The following XPO1 variants were observed in gnomAD, a reference collection of about 807,000 sequenced individuals.
XPO1 encodes the protein exportin 1.
XPO1 carries 5 observed loss-of-function variants against 133.3 expected under a neutral mutation model. The ratio of observed to expected loss-of-function variants is 0.04; its 90% CI spans 0.02 to 0.08. The LOEUF is 0.08. Ranked by LOEUF, XPO1 falls within the 10% of genes least tolerant of loss-of-function variation. XPO1 has a pLI of 1.00. For synonymous variants in XPO1, 419 were observed against 408.2 expected, an observed-to-expected ratio of 1.03 and a Z score of -0.32; for missense variants, 506 against 1,267.5, an observed-to-expected ratio of 0.40 and a Z score of 9.12.
At chr2:61,516,937 C>A (rs930684391) in intron 4 of XPO1, among the ~76,000 whole-genome samples, 1 of 151,868 alleles carries the variant, frequency 6.6e-6, no homozygotes, top group East Asian at 1.9e-4. Context: ...GAGTTTCACT[C>A]TTGTTGCCCA....
chr2:61,490,742 A>G lies in XPO1; in HGVS notation c.1922T>C (p.Ile641Thr), dbSNP rs1696939101. The G allele has an allele frequency of 6.2e-7, 1 of 1,614,132 alleles. No individual in the cohort carries two copies. Among genetic ancestry groups the G allele is most frequent in the East Asian group, 2.2e-5 (1 of 44,880 alleles). ...TACTGTTTGATCTGTTTGTGCACCA[A>G]TCATGTACCCCACAGCTTCATAAAA... ...HTFYEAVGYM[I>T]GAQTDQTVQE... The change falls in exon 17 of 25, where the codon ATT (isoleucine) becomes ACT (threonine). Residue 641 changes from isoleucine (I) to threonine (T), a missense_variant. Coordinates refer to ENST00000401558, the MANE Select transcript of XPO1 (RefSeq NM_003400.4).
At chr2:61,512,711 G>T (rs1032322857) in intron 4 of XPO1, among the ~76,000 whole-genome samples, 9 of 152,146 alleles carry the variant, frequency 5.9e-5, no homozygotes, top group African/African-American at 7.2e-5. Context: ...AATTTTTATG[G>T]AACAGCAAAA....
intron 6 of XPO1, among the ~76,000 whole-genome samples, chr2:61,500,679 G>C (rs2104513580): frequency 6.6e-6 from 1 of 151,492 alleles, no homozygotes; most frequent in Non-Finnish European, 1.5e-5. Flanking sequence ...CGGGCCAGTA[G>C]TCTCAGCTAC....
chr2:61,478,753 A>C lies in XPO1; in HGVS notation c.*67T>G. ...ACAAATTGGCATCATTTTGGTCGAC[A>C]AATACCCACATGCTGTTTTCCTCTG... is the stretch of plus-strand genomic sequence containing the variant. On this transcript the variant is annotated 3_prime_UTR_variant, in exon 25 of 25. Transcript: ENST00000401558. 2.6e-6 allele frequency: 4 copies of C among 1,545,704 alleles called. No individual in the cohort carries two copies. Among genetic ancestry groups the C allele is most frequent in the Non-Finnish European group, 3.5e-6 (4 of 1,141,546 alleles).
At chr2:61,484,258 A>T in intron 20 of XPO1, 153 bp from the exon 21 acceptor site, 2 of 608,468 alleles carry the variant, frequency 3.3e-6, no homozygotes. Flanking sequence ...CCCAAGTAAA[A>T]TACAATCCAC....
At chr2:61,529,640 C>T (rs1379554814) in intron 2 of XPO1, among the ~76,000 whole-genome samples, 1 of 149,682 alleles carries the variant, frequency 6.7e-6, no homozygotes, top group East Asian at 2.0e-4. Context: ...CCAGCCTGGG[C>T]TACAGAGTGA....
At chr2:61,493,076 C>A (rs1300366221) in intron 12 of XPO1, 23 bp from the exon 13 acceptor site, 5 of 1,541,914 alleles carry the variant, frequency 3.2e-6, no homozygotes, top group South Asian at 2.5e-5. Context: ...ATATATCAAT[C>A]AAGAAAAAAA....
intron 24 of XPO1, chr2:61,480,436 C>T (rs747106382): frequency 6.6e-6 from 1 of 151,514 alleles, no homozygotes; most frequent in Non-Finnish European, 1.5e-5. Context: ...TGCGCCACCA[C>T]GCCTGGCTAA....
chr2:61,506,727 T>C (rs1697838123), intron 4 of XPO1, among the ~76,000 whole-genome samples: 1 of 151,128 alleles, frequency 6.6e-6, no homozygotes, highest in South Asian at 2.1e-4. Flanking sequence ...TTAGCAATGA[T>C]ATAATACATA....
At chr2:61,525,356 T>C (rs1303824785) in intron 3 of XPO1, 2 of 989,108 alleles carry the variant, frequency 2.0e-6, no homozygotes, top group South Asian at 4.7e-5. Flanking sequence ...ATCAACATAA[T>C]GGAACATTAT....
At chr2:61,512,479 A>C (rs1418369528) in intron 4 of XPO1, among the ~76,000 whole-genome samples, 2 of 152,224 alleles carry the variant, frequency 1.3e-5, no homozygotes, top group African/African-American at 2.4e-5. Context: ...GTGTTTTCTC[A>C]CAACAGGAAG....
intron 19 of XPO1, among the ~76,000 whole-genome samples, chr2:61,487,066 T>C (rs1215983643): frequency 6.6e-6 from 1 of 151,600 alleles, no homozygotes; most frequent in Non-Finnish European, 1.5e-5. Flanking sequence ...CACTGTCACC[T>C]CCACCTCTGG....
chr2:61,503,989 G>A (rs1016508555), intron 4 of XPO1, among the ~76,000 whole-genome samples: 2 of 152,332 alleles, frequency 1.3e-5, no homozygotes, highest in Admixed American at 6.5e-5. Context: ...AGGCTGCAGT[G>A]AACGGAGATC....
chr2:61,504,589 C>A (rs1413681286), intron 4 of XPO1, among the ~76,000 whole-genome samples: 1 of 152,124 alleles, frequency 6.6e-6, no homozygotes, highest in Non-Finnish European at 1.5e-5. Flanking sequence ...GGTTGTAGAG[C>A]TGTATGTTCC....
At chr2:61,528,168 G>A (rs1294603626) in intron 2 of XPO1, among the ~76,000 whole-genome samples, 3 of 151,190 alleles carry the variant, frequency 2.0e-5, no homozygotes, top group African/African-American at 7.3e-5. Context: ...CTCGTGACCC[G>A]CCTGCCTCAG....
chr2:61,510,919 C>T (rs1472829663), intron 4 of XPO1, among the ~76,000 whole-genome samples: 2 of 136,876 alleles, frequency 1.5e-5, no homozygotes, highest in Non-Finnish European at 3.0e-5. Flanking sequence ...GCTTGGGCGA[C>T]AGCGTGAGAC....
intron 17 of XPO1, among the ~76,000 whole-genome samples, chr2:61,489,626 C>T (rs916258898): frequency 6.6e-6 from 1 of 150,964 alleles, no homozygotes; most frequent in Non-Finnish European, 1.5e-5. Context: ...GTGATCTCGG[C>T]TCACTGCAAG....
intron 2 of XPO1, among the ~76,000 whole-genome samples, chr2:61,527,646 C>T (rs1327324067): frequency 2.0e-5 from 3 of 152,178 alleles, no homozygotes. Flanking sequence ...ATCCCAAATA[C>T]TTACATACCA....
At chr2:61,531,083 C>G (rs1193579350) in intron 2 of XPO1, among the ~76,000 whole-genome samples, 1 of 152,154 alleles carries the variant, frequency 6.6e-6, no homozygotes, top group Non-Finnish European at 1.5e-5. Flanking sequence ...ATCATGTTTT[C>G]CACTATAGCA....
Sources: gnomAD v4.1 joint callset for allele counts (sites outside exome capture counted in the v4.1 genomes callset) on GRCh38, gnomAD v4.1.1 for gene constraint, MANE v1.5 for transcripts, NCBI Gene and HGNC (gene_info 2026-07-23, HGNC 2026-07-21) for gene names.